Variants in ARHGAP8 observed in about 807,000 individuals in gnomAD.
The protein encoded by ARHGAP8 is Rho GTPase activating protein 8, also known as rho GTPase-activating protein 8.
Under a neutral mutation model 46.1 loss-of-function variants are expected in ARHGAP8, and 62 were observed. The observed-to-expected ratio is 1.34, with a 90% CI of 1.10 to 1.66. The LOEUF (loss-of-function observed/expected upper bound fraction) is 1.66. ARHGAP8 is among the 40% of genes most tolerant of loss of function. The probability of loss-of-function intolerance (pLI) is 0.00; values close to 1 mark genes in which losing one functional copy is unlikely to be tolerated. For synonymous variants in ARHGAP8, 375 were observed against 243.1 expected (o/e 1.54, Z -5.05); for missense variants, 923 against 568.4 (o/e 1.62, Z -6.34).
chr22:44,857,843 G>C (rs1169845523), intron 10 of ARHGAP8, among the ~76,000 whole-genome samples: 1 of 152,108 alleles, frequency 6.6e-6, no homozygotes, highest in African/African-American at 2.4e-5. Context: ...TGAAATGCTT[G>C]ACCTCTTGCT....
At chr22:44,817,178 T>C (rs1411050567) in intron 5 of ARHGAP8, among the ~76,000 whole-genome samples, 1 of 152,196 alleles carries the variant, frequency 6.6e-6, no homozygotes, top group African/African-American at 2.4e-5. Context: ...TGAGCCACCA[T>C]GCCCGGCCTT....
intron 11 of ARHGAP8, among the ~76,000 whole-genome samples, chr22:44,860,523 C>T (rs566645939): frequency 1.6e-4 from 21 of 128,016 alleles, no homozygotes; most frequent in African/African-American, 3.8e-4. Flanking sequence ...ACCCAGATGA[C>T]GCGGGATGAT....
chr22:44,791,331 C>G (rs532640990), intron 2 of ARHGAP8, among the ~76,000 whole-genome samples: 5 of 152,202 alleles, frequency 3.3e-5, no homozygotes, highest in South Asian at 2.1e-4. Context: ...TGCAGACTTC[C>G]TTGGGAGATG....
At position 44,856,598 on chromosome 22, in the gene ARHGAP8, GACCA is replaced by G. The variant is rs2070232730; in HGVS notation, c.878-3132_878-3129del. On this transcript the variant is annotated intron_variant, in intron 10 of 11. Coordinates refer to ENST00000356099, the MANE Select transcript of ARHGAP8 (RefSeq NM_181335.3). ...CTGTAAATTCTTGGGGCTACATCCT[GACCA>G]TTGGCTGTTCCCCCAGGCATTTGGA... Among the ~76,000 whole-genome samples, 2 of 111,122 alleles carry G rather than the reference GACCA, an allele frequency of 1.8e-5. 1 individual carries two copies. The highest frequency in any genetic ancestry group is 9.1e-5 in the African/African-American group (2 of 21,958). The allele number at this position is 111,122 out of a possible 152,430, so 72.9% of individuals were successfully genotyped here. A position where few individuals can be genotyped will look rare whatever the true frequency, so the allele number is the denominator to read the frequency against.
chr22:44,855,391 C>T (rs562982068), intron 10 of ARHGAP8, among the ~76,000 whole-genome samples: 2 of 152,104 alleles, frequency 1.3e-5, no homozygotes, highest in South Asian at 2.1e-4. Context: ...TTTCAAACTC[C>T]TGGGCTCAAG....
Position 44,825,568 on chromosome 22 carries a change from C to T in ARHGAP8, c.571C>T (p.Gln191Ter), listed in dbSNP as rs1256980046. The change falls in exon 7 of 12, where the codon CAG becomes TAG. Residue 191 changes from glutamine to a stop codon, truncating the protein, a stop_gained. Coordinates refer to ENST00000356099, the MANE Select transcript of ARHGAP8 (RefSeq NM_181335.3). LOFTEE classifies it high-confidence loss of function. The part of the protein sequence containing the change: ...TPPPRPPLPT[Q>*]QFGVSLQYLK... ...ACCGCCGCGGCCCCCGCTGCCCACA[C>T]AGCAGTTTGGCGTCAGTCTGCAATA... is the stretch of plus-strand genomic sequence containing the variant. 1.1e-5 allele frequency: 18 copies of T among 1,613,386 alleles called. No homozygotes were observed. Among genetic ancestry groups the T allele is most frequent in the Non-Finnish European group, 1.5e-5 (18 of 1,179,820 alleles).
At chr22:44,815,755 T>C (rs1250657354) in intron 5 of ARHGAP8, among the ~76,000 whole-genome samples, 1 of 152,162 alleles carries the variant, frequency 6.6e-6, no homozygotes, top group Non-Finnish European at 1.5e-5. Flanking sequence ...TCGTGAGGCC[T>C]GGGAGGCTCT....
chr22:44,755,302 C>G (rs956218569), intron 1 of ARHGAP8, among the ~76,000 whole-genome samples: 7 of 152,232 alleles, frequency 4.6e-5, no homozygotes, highest in Admixed American at 3.3e-4. Flanking sequence ...GGTGTGCCTC[C>G]CACATGGGAG....
chr22:44,807,854 C>G (rs796782080), intron 3 of ARHGAP8, among the ~76,000 whole-genome samples: 6 of 152,294 alleles, frequency 3.9e-5, no homozygotes, highest in African/African-American at 1.4e-4. Flanking sequence ...TCTGCTTTGC[C>G]TCCGTCTTTA....
At chr22:44,817,677 G>A (rs559031698) in intron 5 of ARHGAP8, among the ~76,000 whole-genome samples, 21 of 152,186 alleles carry the variant, frequency 1.4e-4, no homozygotes, top group African/African-American at 4.6e-4. Flanking sequence ...GGTGGTGGGC[G>A]CGTATAATCC....
intron 3 of ARHGAP8, 59 bp downstream of exon 3, chr22:44,802,223 C>T: frequency 1.3e-6 from 2 of 1,593,768 alleles, no homozygotes; most frequent in Non-Finnish European, 1.7e-6. Flanking sequence ...TGTCCCCATC[C>T]CTTCACCCCA....
At chr22:44,828,359 C>A (rs1930682656) in intron 7 of ARHGAP8, among the ~76,000 whole-genome samples, 1 of 151,984 alleles carries the variant, frequency 6.6e-6, no homozygotes, top group Admixed American at 6.5e-5. Context: ...CTGCAGTGAC[C>A]TCGGTCCCCT....
chr22:44,832,328 G>T (rs1931006823), intron 7 of ARHGAP8, among the ~76,000 whole-genome samples: 1 of 150,612 alleles, frequency 6.6e-6, no homozygotes, highest in Non-Finnish European at 1.5e-5. Context: ...CTGGGTTCAA[G>T]TGATTCTCCT....
chr22:44,760,622 C>G (rs1418828016), intron 1 of ARHGAP8, among the ~76,000 whole-genome samples: 1 of 152,106 alleles, frequency 6.6e-6, no homozygotes, highest in Non-Finnish European at 1.5e-5. Flanking sequence ...GCTAATTTGC[C>G]CGAGGTAAGT....
chr22:44,756,588 C>G (rs1389445933), intron 1 of ARHGAP8, among the ~76,000 whole-genome samples: 2 of 132,106 alleles, frequency 1.5e-5, no homozygotes, highest in South Asian at 3.1e-4. Context: ...CCCGCCCCCC[C>G]ACCCCATACA....
chr22:44,854,118 G>A (rs2070164113), intron 10 of ARHGAP8, among the ~76,000 whole-genome samples: 1 of 149,044 alleles, frequency 6.7e-6, no homozygotes, highest in Non-Finnish European at 1.5e-5. Flanking sequence ...CTCTTCTCAA[G>A]GTTCTCAATA....
chr22:44,825,361 G>A lies in ARHGAP8; in HGVS notation c.486-122G>A, dbSNP rs868589601. The A allele has an allele frequency of 4.6e-5, 44 of 963,104 alleles. 1 individual carries two copies. In the South Asian group the frequency reaches 4.7e-4, roughly 10 times the overall value. The allele number at this position is 963,104 out of a possible 1,614,324, so 59.7% of individuals were successfully genotyped here. On this transcript the variant is annotated intron_variant, in intron 6 of 11. Coordinates refer to ENST00000356099, the MANE Select transcript of ARHGAP8 (RefSeq NM_181335.3). ...TGTGTGTGAGCTGGCAGTGTGGCAC[G>A]TGCGCCCAGAGGGATGAGATGCCCA...
intron 1 of ARHGAP8, among the ~76,000 whole-genome samples, chr22:44,754,547 G>A (rs992714397): frequency 1.3e-5 from 2 of 151,924 alleles, no homozygotes; most frequent in Non-Finnish European, 2.9e-5. Flanking sequence ...GTAGAAGTGG[G>A]GTTTCACCAT....
chr22:44,796,742 T>C (rs1291682056), intron 2 of ARHGAP8, among the ~76,000 whole-genome samples: 1 of 152,218 alleles, frequency 6.6e-6, no homozygotes, highest in Non-Finnish European at 1.5e-5. Context: ...TCTCTTCCTA[T>C]GGCTGGTCCT....
Sources: gnomAD v4.1 joint callset for allele counts (sites outside exome capture counted in the v4.1 genomes callset) on GRCh38, gnomAD v4.1.1 for gene constraint, MANE v1.5 for transcripts, NCBI Gene and HGNC (gene_info 2026-07-23, HGNC 2026-07-21) for gene names.